Variants in SPMIP2 observed in about 807,000 individuals in gnomAD.
The protein encoded by SPMIP2 is protein SPMIP2.
chr4:158,904,614 G>A, the SPMIP2 span: 1 of 1,325,924 alleles, frequency 7.5e-7, no homozygotes, highest in Non-Finnish European at 1.1e-6. Flanking sequence ...AAAGGAATAA[G>A]CTCTCTGTGA....
At chr4:159,074,382 A>G in the SPMIP2 span, among the ~76,000 whole-genome samples, 1 of 152,152 alleles carries the variant, frequency 6.6e-6, no homozygotes, top group Non-Finnish European at 1.5e-5. Flanking sequence ...CCTTGGCACC[A>G]TCTTTCTCTT....
chr4:158,916,618 CATATGTATGTAT>C, the SPMIP2 span, among the ~76,000 whole-genome samples: 2 of 95,434 alleles, frequency 2.1e-5, no homozygotes, highest in East Asian at 6.0e-4. Context: ...TATGTATGTA[CATATGTATGTAT>C]GTATGTATGT....
At chr4:158,916,511 C>T in the SPMIP2 span, among the ~76,000 whole-genome samples, 1 of 152,126 alleles carries the variant, frequency 6.6e-6, no homozygotes, top group Non-Finnish European at 1.5e-5. Context: ...GCAGACCCTC[C>T]CCTGACATCC....
the SPMIP2 span, among the ~76,000 whole-genome samples, chr4:158,967,424 T>G: frequency 6.6e-6 from 1 of 152,194 alleles, no homozygotes; most frequent in Non-Finnish European, 1.5e-5. Context: ...ATGTAATTAT[T>G]TTTATGTTAA....
chr4:159,022,234 T>A, the SPMIP2 span, among the ~76,000 whole-genome samples: 1 of 152,216 alleles, frequency 6.6e-6, no homozygotes, highest in East Asian at 1.9e-4. Context: ...AACTTCAGAT[T>A]TGTTTGCATA....
the SPMIP2 span, among the ~76,000 whole-genome samples, chr4:158,948,301 G>A: frequency 5.3e-5 from 8 of 151,724 alleles, no homozygotes; most frequent in Admixed American, 4.6e-4. Flanking sequence ...CTCTTGGGGG[G>A]AAAAAAAGCT....
chr4:159,078,080 T>C, the SPMIP2 span, among the ~76,000 whole-genome samples: 1 of 152,188 alleles, frequency 6.6e-6, no homozygotes, highest in Non-Finnish European at 1.5e-5. Flanking sequence ...ATTTGAAAGT[T>C]AAATCTAAAC....
chr4:158,978,899 G>A, the SPMIP2 span, among the ~76,000 whole-genome samples: 1 of 152,172 alleles, frequency 6.6e-6, no homozygotes, highest in Non-Finnish European at 1.5e-5. Flanking sequence ...TGAGTGCTGT[G>A]CTGGGAGATC....
the SPMIP2 span, among the ~76,000 whole-genome samples, chr4:159,016,948 G>A: frequency 2.0e-5 from 3 of 152,194 alleles, no homozygotes; most frequent in Non-Finnish European, 4.4e-5. Context: ...GGAAAGCTCT[G>A]TGGGGAGCGA....
At chr4:158,959,982 G>A in the SPMIP2 span, among the ~76,000 whole-genome samples, 2 of 151,934 alleles carry the variant, frequency 1.3e-5, no homozygotes, top group Non-Finnish European at 2.9e-5. Context: ...TAAAGTTAAA[G>A]CTAATCTACT....
the SPMIP2 span, among the ~76,000 whole-genome samples, chr4:159,070,331 T>C: frequency 6.6e-6 from 1 of 152,204 alleles, no homozygotes; most frequent in Non-Finnish European, 1.5e-5. Flanking sequence ...AGTATTTAAT[T>C]GATTCAAGGG....
At chr4:159,066,609 AT>A in the SPMIP2 span, among the ~76,000 whole-genome samples, 421 of 56,466 alleles carry the variant, frequency 7.5e-3, 1 homozygote, top group African/African-American at 0.018. Context: ...ATATATATAT[AT>A]ATATATATAT....
At chr4:159,011,034 A>G in the SPMIP2 span, among the ~76,000 whole-genome samples, 2 of 152,152 alleles carry the variant, frequency 1.3e-5, no homozygotes, top group African/African-American at 4.8e-5. Flanking sequence ...TAAAATCCTG[A>G]GGAAACTGTT....
the SPMIP2 span, among the ~76,000 whole-genome samples, chr4:158,982,555 C>G: frequency 2.6e-5 from 4 of 152,156 alleles, no homozygotes; most frequent in African/African-American, 2.4e-5. Flanking sequence ...ACTTAGAACT[C>G]AGGATTAAGA....
chr4:159,033,059 TA>T, the SPMIP2 span, among the ~76,000 whole-genome samples: 17 of 152,100 alleles, frequency 1.1e-4, no homozygotes, highest in African/African-American at 4.1e-4. Flanking sequence ...TGTCTTTCGA[TA>T]GGGGAAGGGA....
the SPMIP2 span, among the ~76,000 whole-genome samples, chr4:158,918,869 C>G: frequency 6.6e-6 from 1 of 152,194 alleles, no homozygotes; most frequent in East Asian, 1.9e-4. Context: ...GTCAGGTGCA[C>G]ACACAAAATA....
the SPMIP2 span, among the ~76,000 whole-genome samples, chr4:159,034,780 A>G: frequency 6.6e-6 from 1 of 152,106 alleles, no homozygotes. Flanking sequence ...AATCCCAGCT[A>G]CTCAGGAAGC....
the SPMIP2 span, among the ~76,000 whole-genome samples, chr4:158,947,962 C>T: frequency 1.3e-5 from 2 of 152,120 alleles, no homozygotes; most frequent in African/African-American, 4.8e-5. Context: ...GTAAATAACA[C>T]TAAAATGCTT....
the SPMIP2 span, among the ~76,000 whole-genome samples, chr4:159,001,899 T>C: frequency 2.6e-5 from 4 of 152,328 alleles, no homozygotes; most frequent in East Asian, 5.8e-4. Flanking sequence ...AGTTCTGTTT[T>C]TAGCTCTTTG....
Sources: allele counts gnomAD v4.1 joint callset (sites outside exome capture counted in the v4.1 genomes callset), GRCh38; gene constraint gnomAD v4.1.1; transcripts MANE v1.5; gene names NCBI Gene and HGNC (gene_info 2026-07-23, HGNC 2026-07-21).